The following FAF1 variants were observed in gnomAD, a reference collection of about 807,000 sequenced individuals.
FAF1 encodes the protein FAS-associated factor 1.
FAF1 carries 25 observed loss-of-function variants against 92.5 expected under a neutral mutation model. The ratio of observed to expected loss-of-function variants is 0.27; its 90% CI spans 0.20 to 0.38. The LOEUF (loss-of-function observed/expected upper bound fraction) is 0.38. FAF1 is among the 10% of genes least tolerant of loss of function. The pLI is 1.00. For missense variants in FAF1, 636 were observed against 793.3 expected (o/e 0.80, Z 2.38); for synonymous variants, 234 against 273.2 (o/e 0.86, Z 1.42).
At chr1:50,830,347 T>C (rs1644141322) in intron 2 of FAF1, among the ~76,000 whole-genome samples, 1 of 152,210 alleles carries the variant, frequency 6.6e-6, no homozygotes, top group Non-Finnish European at 1.5e-5. Flanking sequence ...TGACCTCAAG[T>C]GATCTGCCCA....
intron 7 of FAF1, among the ~76,000 whole-genome samples, chr1:50,697,318 A>G (rs1259344959): frequency 6.6e-6 from 1 of 152,200 alleles, no homozygotes; most frequent in African/African-American, 2.4e-5. Flanking sequence ...AATATTTAAT[A>G]ACAGTTCTAT....
intron 15 of FAF1, among the ~76,000 whole-genome samples, chr1:50,519,328 AAAG>A (rs879306850): frequency 0.016 from 2,205 of 135,052 alleles, 68 homozygotes; most frequent in African/African-American, 0.065. Flanking sequence ...GACTGTCTCG[AAAG>A]AAAGAAAGGA....
At chr1:50,638,164 G>GA (rs1654148464) in intron 8 of FAF1, among the ~76,000 whole-genome samples, 1 of 152,046 alleles carries the variant, frequency 6.6e-6, no homozygotes, top group South Asian at 2.1e-4. Flanking sequence ...CATGGCCCAT[G>GA]ACCTTGCTAA....
At chr1:50,773,211 C>T (rs560707259) in intron 4 of FAF1, among the ~76,000 whole-genome samples, 44 of 152,306 alleles carry the variant, frequency 2.9e-4, no homozygotes, top group African/African-American at 1.1e-3. Context: ...GAGTTTGAGG[C>T]TTCAGTGGGG....
At chr1:50,912,077 C>T (rs546513592) in intron 1 of FAF1, among the ~76,000 whole-genome samples, 6 of 151,782 alleles carry the variant, frequency 4.0e-5, no homozygotes, top group Admixed American at 3.9e-4. Context: ...ACCTGACGCA[C>T]AACGAAGCAC....
chr1:50,591,728 A>C (rs1356584915), intron 9 of FAF1, among the ~76,000 whole-genome samples: 1 of 151,436 alleles, frequency 6.6e-6, no homozygotes, highest in Non-Finnish European at 1.5e-5. Context: ...CCAAATTCTC[A>C]ATGTGTCATA....
chr1:50,915,413 CATCTTTCATTCAATAGAAGAT>C (rs1644912960), intron 1 of FAF1, among the ~76,000 whole-genome samples: 1 of 151,758 alleles, frequency 6.6e-6, no homozygotes, highest in African/African-American at 2.4e-5. Flanking sequence ...AAACAAACTC[CATCTTTCATTCAATAGAAGAT>C]ATCTATATCC....
intron 4 of FAF1, among the ~76,000 whole-genome samples, chr1:50,785,415 T>A (rs900877863): frequency 1.3e-5 from 2 of 151,772 alleles, no homozygotes; most frequent in African/African-American, 2.4e-5. Context: ...ACAGAAAAAC[T>A]TCTATAACTC....
intron 15 of FAF1, among the ~76,000 whole-genome samples, chr1:50,529,303 A>G (rs1169305238): frequency 1.3e-5 from 2 of 152,248 alleles, no homozygotes; most frequent in Non-Finnish European, 2.9e-5. Context: ...AAATCTGACA[A>G]TAACATATGA....
intron 8 of FAF1, among the ~76,000 whole-genome samples, chr1:50,600,367 T>C (rs1490613385): frequency 6.6e-6 from 1 of 152,154 alleles, no homozygotes; most frequent in East Asian, 1.9e-4. Context: ...GTTATAAAAT[T>C]ATGTATGGAT....
In FAF1 at chr1:50,705,782, T is replaced by C. The variant is rs368788700; in HGVS notation, c.657+4A>G. 8.3e-4 allele frequency: 1,272 copies of C among 1,529,484 alleles called. 1 individual carries two copies. The highest frequency in any genetic ancestry group is 1.0e-3 in the Non-Finnish European group (1,145 of 1,104,490). 94.7% of individuals were successfully genotyped at this position (1,529,484 alleles called of 1,614,324 possible). On this transcript the variant is annotated splice_donor_region_variant and intron_variant, in intron 7 of 18. Coordinates refer to ENST00000396153, the MANE Select transcript of FAF1 (RefSeq NM_007051.3). ...TTATTTCTTAGCTGTGAGACATAAC[T>C]CACCTCTTGAATAGTACTGCTTCCT...
chr1:50,753,548 T>C (rs1209167929), intron 4 of FAF1, among the ~76,000 whole-genome samples: 1 of 152,180 alleles, frequency 6.6e-6, no homozygotes, highest in African/African-American at 2.4e-5. Context: ...TCCATTGCAA[T>C]GTCTTCAAGT....
rs184030360 is a variant in FAF1 at position 50,520,697 on chromosome 1, A to T, written c.1494+14672T>A. ...CCCCAACTCTACTAAAAATACAAAA[A>T]ATTAGCTAGGTGTGGTGGTGCACGC... On this transcript the variant is annotated intron_variant, in intron 15 of 18. Transcript: ENST00000396153. 6.0e-4 allele frequency among the ~76,000 whole-genome samples: 91 copies of T among 152,146 alleles called. No homozygotes were observed. In the Middle Eastern group the frequency reaches 0.014, roughly 23 times the overall value.
intron 9 of FAF1, among the ~76,000 whole-genome samples, chr1:50,589,543 A>AC (rs1651402999): frequency 2.0e-5 from 3 of 152,100 alleles, no homozygotes. Context: ...TATATTACTT[A>AC]GTTTTAGGAG....
rs1261369981 is a variant in FAF1, at chr1:50,584,884, T to TAAC, written c.841-76_841-74dup. The TAAC allele has an allele frequency of 3.0e-6, 4 of 1,349,894 alleles. No homozygotes were observed. The East Asian group carries it at 9.3e-5, about 31-fold the overall frequency. The allele number at this position is 1,349,894 out of a possible 1,614,324, so 83.6% of individuals were successfully genotyped here. A position where few individuals can be genotyped will look rare whatever the true frequency, so the allele number is the denominator to read the frequency against. On this transcript the variant is annotated intron_variant, in intron 9 of 18. Coordinates refer to ENST00000396153, the MANE Select transcript of FAF1 (RefSeq NM_007051.3). The stretch of plus-strand genomic sequence containing the variant: ...AAATTCTAAGAATAAGTTATAATAA[T>TAAC]AACAACAGGACATAAGCGTTATAAA...
intron 7 of FAF1, among the ~76,000 whole-genome samples, chr1:50,684,014 A>G (rs1656541676): frequency 6.6e-6 from 1 of 152,202 alleles, no homozygotes; most frequent in Non-Finnish European, 1.5e-5. Flanking sequence ...ATGACTAGGA[A>G]AAATTAATCA....
intron 1 of FAF1, among the ~76,000 whole-genome samples, chr1:50,869,491 C>T (rs913008962): frequency 5.3e-5 from 8 of 152,012 alleles, no homozygotes; most frequent in Admixed American, 1.3e-4. Context: ...TTTGTTGTTG[C>T]ATGTTTTAGT....
intron 7 of FAF1, among the ~76,000 whole-genome samples, chr1:50,678,130 T>C (rs983707401): frequency 6.6e-6 from 1 of 152,282 alleles, no homozygotes; most frequent in East Asian, 1.9e-4. Context: ...GCCTGACCCA[T>C]GAGTTAATAA....
chr1:50,542,406 G>T (rs1183645979), intron 13 of FAF1, among the ~76,000 whole-genome samples: 4 of 152,092 alleles, frequency 2.6e-5, no homozygotes, highest in East Asian at 1.9e-4. Context: ...TATGCACAGG[G>T]CTACCATTTA....
Sources: allele counts gnomAD v4.1 joint callset (sites outside exome capture counted in the v4.1 genomes callset), GRCh38; gene constraint gnomAD v4.1.1; transcripts MANE v1.5; gene names NCBI Gene and HGNC (gene_info 2026-07-23, HGNC 2026-07-21).